SPATA33: variants seen among roughly 807,000 people sequenced by gnomAD.
SPATA33 encodes spermatogenesis-associated protein 33.
In SPATA33, 10 loss-of-function variants were observed where a neutral mutation model predicts 8.9. The observed-to-expected ratio is 1.12, with a 90% CI of 0.69 to 1.90. The LOEUF is 1.90. SPATA33 is among the 40% of genes most tolerant of loss of function. The probability of loss-of-function intolerance (pLI) is 0.00; values close to 1 mark genes in which losing one functional copy is unlikely to be tolerated. For synonymous variants in SPATA33, 96 were observed against 72.8 expected (o/e 1.32, Z -1.63); for missense variants, 241 against 178.3 (o/e 1.35, Z -2.00).
At chr16:89,667,640 G>C (rs2151534171) in intron 2 of SPATA33, among the ~76,000 whole-genome samples, 1 of 152,230 alleles carries the variant, frequency 6.6e-6, no homozygotes, top group East Asian at 1.9e-4. Context: ...TTCAGCCTGG[G>C]CCACAGACCT....
In SPATA33 at chr16:89,669,611, C is replaced by G; in HGVS notation, c.*114C>G. On this transcript the variant is annotated 3_prime_UTR_variant, in exon 3 of 3. Coordinates refer to ENST00000579310, the MANE Select transcript of SPATA33 (RefSeq NM_001271907.2). ...TCCAGTGCTCTCGGGGAGGTTGCAC[C>G]AGGCCCACCCCACCCTGTGAGAAAC... 1 of 1,018,108 alleles carries G rather than the reference C, an allele frequency of 9.8e-7. No homozygotes were observed. 63.1% of individuals were successfully genotyped at this position (1,018,108 alleles called of 1,614,324 possible).
intron 2 of SPATA33, among the ~76,000 whole-genome samples, chr16:89,666,031 A>C (rs2060021120): frequency 6.6e-6 from 1 of 152,194 alleles, no homozygotes; most frequent in Non-Finnish European, 1.5e-5. Context: ...TAGTGAGCCA[A>C]AATTGTGCCA....
At chr16:89,658,747 C>T (rs931894824) in intron 2 of SPATA33, 2 of 387,670 alleles carry the variant, frequency 5.2e-6, no homozygotes, top group Non-Finnish European at 9.8e-6. Flanking sequence ...AATCCCTGAG[C>T]CTCCGCACAC....
At position 89,658,331 on chromosome 16, in the gene SPATA33, C is replaced by T. The variant is rs2059912727; in HGVS notation, c.121C>T (p.Gln41Ter). Residue 41 changes from glutamine to a stop codon, truncating the protein, a stop_gained, in exon 2 of 3, where the codon CAG becomes TAG. Transcript: ENST00000579310. LOFTEE classifies it high-confidence loss of function. ...LMEKHSQEAR[Q>*]ADRESEKPVD... Reference sequence around the variant, plus strand: ...GGAGAAGCATTCCCAGGAAGCCAGGCAGGCAGACAGGGAGTCGGAGAAGCC... The same window carrying T: ...GGAGAAGCATTCCCAGGAAGCCAGGTAGGCAGACAGGGAGTCGGAGAAGCC... 1.2e-6 allele frequency: 2 copies of T among 1,613,948 alleles called. No individual in the cohort carries two copies. Among genetic ancestry groups the T allele is most frequent in the Non-Finnish European group, 1.7e-6 (2 of 1,180,044 alleles).
intron 2 of SPATA33, chr16:89,661,284 T>A (rs2059963084): frequency 1.2e-6 from 1 of 846,902 alleles, no homozygotes; most frequent in Non-Finnish European, 1.4e-6. Flanking sequence ...TGGGAGGTGA[T>A]TGAATTATGG....
At position 89,669,368 on chromosome 16, in the gene SPATA33, G is replaced by T; in HGVS notation, c.294G>T (p.Thr98=). The T allele has an allele frequency of 6.2e-7, 1 of 1,614,206 alleles. No homozygotes were observed. The highest frequency in any genetic ancestry group is 8.5e-7 in the Non-Finnish European group (1 of 1,180,046). Residue 98 remains threonine, a synonymous_variant, in exon 3 of 3, where the codon ACG becomes ACT. Coordinates refer to ENST00000579310, the MANE Select transcript of SPATA33 (RefSeq NM_001271907.2). ...TCATCACGCGAGCGTCGAATGAGAC[G>T]CTAGTCAGTTGCAGTTCCAGCGGGA... ...QIIITRASNE[T]LVSCSSSGSD...
At chr16:89,660,891 C>G in intron 2 of SPATA33, 1 of 1,069,644 alleles carries the variant, frequency 9.3e-7, no homozygotes, top group Non-Finnish European at 1.1e-6. Flanking sequence ...TTAGTGATTC[C>G]AGGCTCTGGC....
At chr16:89,664,539 G>A (rs975855301) in intron 2 of SPATA33, among the ~76,000 whole-genome samples, 1 of 152,106 alleles carries the variant, frequency 6.6e-6, no homozygotes, top group African/African-American at 2.4e-5. Flanking sequence ...AAGCCAGACA[G>A]TAAAAGTGTC....
intron 2 of SPATA33, chr16:89,658,641 T>A (rs1441804218): frequency 3.1e-6 from 2 of 635,976 alleles, no homozygotes; most frequent in East Asian, 2.9e-5. Flanking sequence ...AGTTCCCGAG[T>A]GATAAGTGCG....
chr16:89,658,232 G>T lies in SPATA33; in HGVS notation c.38-16G>T, dbSNP rs749178535. ...TCGGTAAGTCCCGGGTCTAACGGAT[G>T]ATCCATATATTTCAGGTGAGGAGCA... On this transcript the variant is annotated splice_polypyrimidine_tract_variant and intron_variant, in intron 1 of 2. Coordinates refer to ENST00000579310, the MANE Select transcript of SPATA33 (RefSeq NM_001271907.2). The T allele has an allele frequency of 1.9e-6, 3 of 1,613,858 alleles. No homozygotes were observed. The highest frequency in any genetic ancestry group is 1.7e-4 in the Middle Eastern group (1 of 6,054).
rs2060074482 is a variant in SPATA33, at chr16:89,669,678, G to A, written c.*181G>A. 2 of 623,020 alleles carry A rather than the reference G, an allele frequency of 3.2e-6. No homozygotes were observed. The highest frequency in any genetic ancestry group is 5.5e-6 in the Non-Finnish European group (2 of 363,170). The allele number at this position is 623,020 out of a possible 1,614,324, so 38.6% of individuals were successfully genotyped here. A position where few individuals can be genotyped will look rare whatever the true frequency, so the allele number is the denominator to read the frequency against. The stretch of plus-strand genomic sequence containing the variant: ...AGTGCTTTCGGGGAGGGTGCACCAG[G>A]CCCGCCCCACCTTGTGAGAAGCCGT... On this transcript the variant is annotated 3_prime_UTR_variant, in exon 3 of 3. Coordinates refer to ENST00000579310, the MANE Select transcript of SPATA33 (RefSeq NM_001271907.2).
intron 2 of SPATA33, among the ~76,000 whole-genome samples, chr16:89,663,787 T>G (rs2059991896): frequency 6.6e-6 from 1 of 152,118 alleles, no homozygotes; most frequent in Non-Finnish European, 1.5e-5. Flanking sequence ...CGGAGTCCAT[T>G]TCCTCGTGTC....
At position 89,657,992 on chromosome 16, in the gene SPATA33, G is replaced by C. The variant is rs567317637; in HGVS notation, c.37+44G>C. 1.6e-3 allele frequency: 2,390 copies of C among 1,503,786 alleles called. 4 individuals are homozygous for C. The highest frequency in any genetic ancestry group is 2.0e-3 in the Non-Finnish European group (2,214 of 1,134,708). 93.2% of individuals were successfully genotyped at this position (1,503,786 alleles called of 1,614,324 possible). Reference sequence around the variant, plus strand: ...CTGGGCTCCCCGCGTCTCCGCCCCTGGGCGCGGGCCCAGGGCGGGGCTGGG... The same window carrying C: ...CTGGGCTCCCCGCGTCTCCGCCCCTCGGCGCGGGCCCAGGGCGGGGCTGGG... On this transcript the variant is annotated intron_variant, in intron 1 of 2. Transcript: ENST00000579310.
At chr16:89,662,121 G>T (rs916432719) in intron 2 of SPATA33, among the ~76,000 whole-genome samples, 1 of 151,940 alleles carries the variant, frequency 6.6e-6, no homozygotes, top group Non-Finnish European at 1.5e-5. Flanking sequence ...GTGAAACCCT[G>T]TCTCTACAAA....
chr16:89,658,341 G>A lies in SPATA33; in HGVS notation c.131G>A (p.Arg44Lys). 3 of 1,613,960 alleles carry A rather than the reference G, an allele frequency of 1.9e-6. No homozygotes were observed. Among genetic ancestry groups the A allele is most frequent in the Non-Finnish European group, 2.5e-6 (3 of 1,180,040 alleles). ...TCCCAGGAAGCCAGGCAGGCAGACAGGGAGTCGGAGAAGCCTGTGGACAGC... is the reference window on the plus strand; with the variant it reads ...TCCCAGGAAGCCAGGCAGGCAGACAAGGAGTCGGAGAAGCCTGTGGACAGC... ...KHSQEARQADRESEKPVDSLH... is the reference protein window; with the variant it reads ...KHSQEARQADKESEKPVDSLH... The change falls in exon 2 of 3, where the codon AGG becomes AAG. Residue 44 changes from arginine to lysine, a missense_variant. Physicochemically the swap from Arg to Lys is conservative, Grantham distance 26 (BLOSUM62 2). Transcript: ENST00000579310.
chr16:89,660,527 G>A (rs762253342), intron 2 of SPATA33: 395 of 1,231,750 alleles, frequency 3.2e-4, no homozygotes, highest in Non-Finnish European at 3.8e-4. Flanking sequence ...AAGTGTGCAC[G>A]CTCTCCATGC....
intron 2 of SPATA33, among the ~76,000 whole-genome samples, chr16:89,667,189 C>G (rs1404522296): frequency 6.6e-6 from 1 of 152,186 alleles, no homozygotes; most frequent in East Asian, 1.9e-4. Context: ...GGCGTCCTAC[C>G]AGACGCTGGC....
At chr16:89,668,911 A>G (rs1367390483) in intron 2 of SPATA33, among the ~76,000 whole-genome samples, 1 of 152,204 alleles carries the variant, frequency 6.6e-6, no homozygotes, top group African/African-American at 2.4e-5. Context: ...AGAGGGCTTT[A>G]GCAGAATTAG....
intron 2 of SPATA33, among the ~76,000 whole-genome samples, chr16:89,663,705 A>G (rs2059991159): frequency 6.6e-6 from 1 of 152,128 alleles, no homozygotes; most frequent in African/African-American, 2.4e-5. Flanking sequence ...GAAGGGCAGC[A>G]GGAGGAAGAT....
Sources: allele counts gnomAD v4.1 joint callset (sites outside exome capture counted in the v4.1 genomes callset), GRCh38; gene constraint gnomAD v4.1.1; transcripts MANE v1.5; gene names NCBI Gene and HGNC (gene_info 2026-07-23, HGNC 2026-07-21).